CEP170: variants seen among roughly 807,000 people sequenced by gnomAD.
The protein encoded by CEP170 is centrosomal protein of 170 kDa.
In CEP170, 21 loss-of-function variants were observed where a neutral mutation model predicts 151.9. The observed-to-expected ratio is 0.14, with a 90% CI of 0.10 to 0.20. CEP170 has a LOEUF of 0.20. Among genes scored for constraint, CEP170 ranks in the 10% least tolerant of loss-of-function variants. The pLI is 1.00. For synonymous variants in CEP170, 356 were observed against 648.8 expected (o/e 0.55, Z 6.86); for missense variants, 964 against 1,892.9 (o/e 0.51, Z 9.11).
chr1:243,232,985 A>T (rs2063890559), intron 1 of CEP170, among the ~76,000 whole-genome samples: 1 of 152,212 alleles, frequency 6.6e-6, no homozygotes, highest in Non-Finnish European at 1.5e-5. Flanking sequence ...TGAAGTGAGG[A>T]TAACCTAGAA....
chr1:243,162,599 G>A (rs1419418913), intron 13 of CEP170, among the ~76,000 whole-genome samples: 1 of 152,182 alleles, frequency 6.6e-6, no homozygotes, highest in Non-Finnish European at 1.5e-5. Flanking sequence ...GCATCTTACA[G>A]TTGTTTCTTA....
At chr1:243,205,594 C>T (rs2061361560) in intron 4 of CEP170, among the ~76,000 whole-genome samples, 1 of 152,110 alleles carries the variant, frequency 6.6e-6, no homozygotes, top group African/African-American at 2.4e-5. Flanking sequence ...AATAATTAGC[C>T]CAGAACAATC....
At chr1:243,186,736 CAATA>C (rs2059961901) in intron 8 of CEP170, among the ~76,000 whole-genome samples, 1 of 152,048 alleles carries the variant, frequency 6.6e-6, no homozygotes, top group Non-Finnish European at 1.5e-5. Flanking sequence ...TTCCTAACAT[CAATA>C]AACATTAATT....
intron 13 of CEP170, among the ~76,000 whole-genome samples, chr1:243,157,627 T>A (rs1019279800): frequency 1.3e-5 from 2 of 152,234 alleles, no homozygotes; most frequent in African/African-American, 4.8e-5. Context: ...TCCTTTTTAA[T>A]AGAAACTGAC....
rs1299360578 is a variant in CEP170, at chr1:243,231,274, G to GT, written c.-41-5954dup. ...TTCTAGTTAAACAATAGCTGACACA[G>GT]TTTTTTTTTTTGTCAGTACAGTGCC... On this transcript the variant is annotated intron_variant, in intron 1 of 19. Coordinates refer to ENST00000366542, the MANE Select transcript of CEP170 (RefSeq NM_014812.3). Among the ~76,000 whole-genome samples the GT allele has an allele frequency of 2.2e-3, 313 of 142,048 alleles. 2 individuals carry two copies. The highest frequency in any genetic ancestry group is 5.3e-3 in the East Asian group (26 of 4,944). The allele number at this position is 142,048 out of a possible 152,430, so 93.2% of individuals were successfully genotyped here.
intron 10 of CEP170, among the ~76,000 whole-genome samples, chr1:243,176,165 C>T (rs895404789): frequency 6.6e-6 from 1 of 151,986 alleles, no homozygotes; most frequent in African/African-American, 2.4e-5. Context: ...GGTCTCAATC[C>T]AAATCCCAAA....
At chr1:243,238,709 A>G (rs1218710142) in intron 1 of CEP170, among the ~76,000 whole-genome samples, 1 of 152,238 alleles carries the variant, frequency 6.6e-6, no homozygotes, top group Non-Finnish European at 1.5e-5. Flanking sequence ...TCATCTAATC[A>G]GAAAGTAATT....
intron 8 of CEP170, among the ~76,000 whole-genome samples, chr1:243,190,520 C>T (rs1458102322): frequency 6.6e-6 from 1 of 151,956 alleles, no homozygotes; most frequent in Non-Finnish European, 1.5e-5. Flanking sequence ...AACCAAAAAT[C>T]TTTGTTTTAT....
At chr1:243,207,314 T>C (rs2061489455) in intron 4 of CEP170, among the ~76,000 whole-genome samples, 1 of 152,150 alleles carries the variant, frequency 6.6e-6, no homozygotes, top group Admixed American at 6.5e-5. Flanking sequence ...TGCATAATGA[T>C]AGAGGGGGAT....
At position 243,164,882 on chromosome 1, in the gene CEP170, G is replaced by T; in HGVS notation, c.3078C>A (p.Asp1026Glu). The change falls in exon 13 of 20, where the codon GAC becomes GAA. Residue 1026 changes from aspartate (D) to glutamate (E), a missense_variant. By Grantham distance (45) the Asp-to-Glu change is conservative (BLOSUM62 2). Transcript: ENST00000366542. ...CAGAATGAGGTACACTAGAGGTTTGGTCATCATCTGTTAAGTCTACTGAGG... is the reference window on the plus strand; with the variant it reads ...CAGAATGAGGTACACTAGAGGTTTGTTCATCATCTGTTAAGTCTACTGAGG... Reference protein sequence around the residue: ...RQPSVDLTDDDQTSSVPHSAI... With the variant: ...RQPSVDLTDDEQTSSVPHSAI... 6.2e-7 allele frequency: 1 copy of T among 1,613,782 alleles called. No homozygotes were observed. Among genetic ancestry groups the T allele is most frequent in the East Asian group, 2.2e-5 (1 of 44,876 alleles).
chr1:243,233,136 T>A (rs1355982679), intron 1 of CEP170, among the ~76,000 whole-genome samples: 1 of 152,220 alleles, frequency 6.6e-6, no homozygotes. Context: ...CTGTTTTCAC[T>A]AGCAATCTGA....
chr1:243,186,075 G>C lies in CEP170; in HGVS notation c.1273-3C>G. The C allele has an allele frequency of 6.2e-7, 1 of 1,613,638 alleles. No homozygotes were observed. Among genetic ancestry groups the C allele is most frequent in the Non-Finnish European group, 8.5e-7 (1 of 1,179,620 alleles). On this transcript the variant is annotated splice_polypyrimidine_tract_variant and splice_region_variant and intron_variant, in intron 9 of 19. Transcript: ENST00000366542. ...CCTCTGTGATGCGCAGAGCTAGTCT[G>C]TAAAGACAAAGAAACCACTTTGGCA...
intron 16 of CEP170, among the ~76,000 whole-genome samples, chr1:243,139,338 G>GT (rs1397731624): frequency 1.3e-5 from 2 of 152,084 alleles, no homozygotes; most frequent in African/African-American, 4.8e-5. Flanking sequence ...CTGACCTCAG[G>GT]TGATCTGCCC....
chr1:243,194,717 C>T (rs1427675839), intron 7 of CEP170, among the ~76,000 whole-genome samples: 2 of 151,762 alleles, frequency 1.3e-5, no homozygotes, highest in African/African-American at 4.8e-5. Flanking sequence ...ACTAACAGAA[C>T]ATATTCTGGA....
intron 1 of CEP170, among the ~76,000 whole-genome samples, chr1:243,231,543 TTATAA>T (rs779199882): frequency 3.3e-4 from 51 of 152,282 alleles, no homozygotes; most frequent in Middle Eastern, 6.8e-3. Flanking sequence ...TTTGTGACAA[TTATAA>T]TATTACGGGG....
chr1:243,215,021 T>G (rs1014004262), intron 3 of CEP170, among the ~76,000 whole-genome samples: 1 of 152,222 alleles, frequency 6.6e-6, no homozygotes. Context: ...CATGGACATT[T>G]ATTAGTTCCC....
Position 243,178,153 on chromosome 1 carries a change from AC to A in CEP170, c.1567-5308del, listed in dbSNP as rs566049083. Among the ~76,000 whole-genome samples, 512 of 152,002 alleles carry A rather than the reference AC, an allele frequency of 3.4e-3. 1 individual carries two copies. The highest frequency in any genetic ancestry group is 0.012 in the African/African-American group (507 of 41,422). ...AGACCAGCCTGGCCAACATGGCAAA[AC>A]CCCATCTATACTAAAAATACAAAAA... On this transcript the variant is annotated intron_variant, in intron 10 of 19. Coordinates refer to ENST00000366542, the MANE Select transcript of CEP170 (RefSeq NM_014812.3).
chr1:243,130,482 G>A (rs919647400), intron 17 of CEP170, among the ~76,000 whole-genome samples: 2 of 152,194 alleles, frequency 1.3e-5, no homozygotes, highest in Admixed American at 1.3e-4. Context: ...AAATTTTGAC[G>A]TGTCTTTCAA....
chr1:243,223,543 T>C (rs776400039), intron 2 of CEP170, among the ~76,000 whole-genome samples: 1 of 152,186 alleles, frequency 6.6e-6, no homozygotes, highest in African/African-American at 2.4e-5. Flanking sequence ...TAATCTACAA[T>C]GTACCCCGCC....
Sources: allele counts gnomAD v4.1 joint callset (sites outside exome capture counted in the v4.1 genomes callset), GRCh38; gene constraint gnomAD v4.1.1; transcripts MANE v1.5; gene names NCBI Gene and HGNC (gene_info 2026-07-23, HGNC 2026-07-21).